ITGB5: variants seen among roughly 807,000 people sequenced by gnomAD.
ITGB5 encodes integrin subunit beta 5.
Under a neutral mutation model 84.8 loss-of-function variants are expected in ITGB5, and 38 were observed. The observed-to-expected ratio is 0.45, with a 90% CI of 0.35 to 0.59. The LOEUF (loss-of-function observed/expected upper bound fraction) is 0.59. Ranked by LOEUF, ITGB5 falls within the 20% of genes least tolerant of loss-of-function variation. ITGB5 has a pLI of 0.01. For synonymous variants in ITGB5, 393 were observed against 414.4 expected (o/e 0.95, Z 0.63); for missense variants, 905 against 1,034.5 (o/e 0.87, Z 1.72).
chr3:124,832,449 A>C (rs528314012), intron 5 of ITGB5, among the ~76,000 whole-genome samples: 1 of 152,342 alleles, frequency 6.6e-6, no homozygotes, highest in East Asian at 1.9e-4. Context: ...TGTGAAAGAA[A>C]CCCTGTTAAA....
chr3:124,800,351 T>C (rs2064297560), intron 9 of ITGB5, among the ~76,000 whole-genome samples: 1 of 152,148 alleles, frequency 6.6e-6, no homozygotes, highest in African/African-American at 2.4e-5. Flanking sequence ...TTGCCTGCCT[T>C]GGGGTTAAAG....
chr3:124,810,167 G>A (rs1331208727), intron 8 of ITGB5, among the ~76,000 whole-genome samples: 4 of 152,150 alleles, frequency 2.6e-5, no homozygotes, highest in Non-Finnish European at 5.9e-5. Flanking sequence ...ATACAGTAAT[G>A]AGAAATAATA....
At chr3:124,898,773 TAAAA>T (rs36079714) in intron 1 of ITGB5, among the ~76,000 whole-genome samples, 13 of 109,704 alleles carry the variant, frequency 1.2e-4, no homozygotes, top group Non-Finnish European at 1.8e-4. Context: ...CCCCATGTCT[TAAAA>T]AAAAAAAAAA....
At position 124,798,328 on chromosome 3, in the gene ITGB5, G is replaced by A. The variant is rs1031086025; in HGVS notation, c.1264-1511C>T. ...GGCCTCCCAAAGTGCTGGGATTACA[G>A]GTGTGAGCTACTGCGCCCAGTCATT... On this transcript the variant is annotated intron_variant, in intron 9 of 14. Transcript: ENST00000296181. Among the ~76,000 whole-genome samples, 5 of 152,070 alleles carry A rather than the reference G, an allele frequency of 3.3e-5. No homozygotes were observed. The South Asian group carries it at 8.3e-4, about 25-fold the overall frequency.
intron 10 of ITGB5, among the ~76,000 whole-genome samples, chr3:124,787,909 C>CTTTTTT (rs35730935): frequency 8.0e-5 from 11 of 137,698 alleles, no homozygotes; most frequent in Admixed American, 1.5e-4. Context: ...ACAGATAGCT[C>CTTTTTT]TTTTTTTTTT....
In ITGB5 at chr3:124,882,411, G is replaced by A. The variant is rs112606808; in HGVS notation, c.70+4520C>T. 2.8e-3 allele frequency among the ~76,000 whole-genome samples: 425 copies of A among 152,330 alleles called. 1 individual carries two copies. The highest frequency in any genetic ancestry group is 9.5e-3 in the African/African-American group (395 of 41,574). On this transcript the variant is annotated intron_variant, in intron 1 of 14. Coordinates refer to ENST00000296181, the MANE Select transcript of ITGB5 (RefSeq NM_002213.5). ...GGGAGCGGCCAGGGAAAACTTGGCT[G>A]AGCAGGAGATGCTAGAAAAAGGGTT...
intron 14 of ITGB5, among the ~76,000 whole-genome samples, chr3:124,764,155 C>T (rs546233365): frequency 5.3e-5 from 8 of 152,292 alleles, no homozygotes; most frequent in Non-Finnish European, 8.8e-5. Context: ...GCACGCCCAG[C>T]GCCTCTGCCC....
At chr3:124,875,109 G>A (rs1934243743) in intron 1 of ITGB5, among the ~76,000 whole-genome samples, 1 of 152,164 alleles carries the variant, frequency 6.6e-6, no homozygotes, top group Non-Finnish European at 1.5e-5. Context: ...CCACACATCT[G>A]ATAAGTGGTT....
At chr3:124,878,257 C>G (rs531319379) in intron 1 of ITGB5, among the ~76,000 whole-genome samples, 1 of 152,322 alleles carries the variant, frequency 6.6e-6, no homozygotes, top group Non-Finnish European at 1.5e-5. Flanking sequence ...AAGAGCTCCT[C>G]AATTCTGATG....
intron 9 of ITGB5, among the ~76,000 whole-genome samples, chr3:124,797,736 C>A (rs996223937): frequency 1.3e-5 from 2 of 152,242 alleles, no homozygotes; most frequent in African/African-American, 2.4e-5. Context: ...TCCTCACCCC[C>A]CTGAGGAGAG....
intron 9 of ITGB5, among the ~76,000 whole-genome samples, chr3:124,805,055 C>G (rs1245599892): frequency 7.4e-6 from 1 of 135,152 alleles, no homozygotes; most frequent in South Asian, 2.7e-4. Context: ...TGCCCTCCCT[C>G]CCTGCCCTGC....
chr3:124,893,220 C>T (rs933126529), intron 1 of ITGB5, among the ~76,000 whole-genome samples: 1 of 152,082 alleles, frequency 6.6e-6, no homozygotes, highest in Non-Finnish European at 1.5e-5. Context: ...CCCGCCTGGC[C>T]AACATGGTGA....
At chr3:124,839,616 A>T (rs948389159) in intron 5 of ITGB5, among the ~76,000 whole-genome samples, 5 of 152,230 alleles carry the variant, frequency 3.3e-5, no homozygotes, top group African/African-American at 1.2e-4. Flanking sequence ...TCTTCTCTGC[A>T]CTATTTTTTT....
intron 1 of ITGB5, among the ~76,000 whole-genome samples, chr3:124,899,280 T>C (rs1295074188): frequency 6.6e-6 from 1 of 152,110 alleles, no homozygotes; most frequent in African/African-American, 2.4e-5. Flanking sequence ...ATTCAATAAA[T>C]TTTGTTGAGG....
At chr3:124,770,713 T>C (rs2063829910) in intron 11 of ITGB5, among the ~76,000 whole-genome samples, 3 of 152,194 alleles carry the variant, frequency 2.0e-5, no homozygotes, top group Non-Finnish European at 2.9e-5. Flanking sequence ...CAACCATCCC[T>C]GAAATGGCTA....
chr3:124,836,213 TA>T lies in ITGB5; in HGVS notation c.780+5169del, dbSNP rs5852430. ...CCTTCCTAGGTTTGGAATGTATTATTAAAAAAAAAAAAATTCAACAGGCTGT... is the reference window on the plus strand; with the variant it reads ...CCTTCCTAGGTTTGGAATGTATTATTAAAAAAAAAAAATTCAACAGGCTGT... On this transcript the variant is annotated intron_variant, in intron 5 of 14. Coordinates refer to ENST00000296181, the MANE Select transcript of ITGB5 (RefSeq NM_002213.5). Among the ~76,000 whole-genome samples the T allele has an allele frequency of 6.0e-4, 89 of 147,858 alleles. 1 individual carries two copies. In the South Asian group the frequency reaches 0.013, roughly 22 times the overall value.
intron 10 of ITGB5, among the ~76,000 whole-genome samples, chr3:124,788,464 C>T (rs2064113819): frequency 6.6e-6 from 1 of 152,164 alleles, no homozygotes; most frequent in African/African-American, 2.4e-5. Flanking sequence ...CATGCATTGT[C>T]CTTAGCCACC....
chr3:124,890,877 C>CT (rs547795387), upstream of ITGB5, among the ~76,000 whole-genome samples: 229 of 152,066 alleles, frequency 1.5e-3, no homozygotes, highest in Non-Finnish European at 2.7e-3. Flanking sequence ...CTTCTTCTTC[C>CT]TTTTTTTTAT....
At chr3:124,780,516 C>G (rs1327742732) in intron 10 of ITGB5, among the ~76,000 whole-genome samples, 1 of 152,242 alleles carries the variant, frequency 6.6e-6, no homozygotes, top group East Asian at 1.9e-4. Flanking sequence ...CTCAGCACAG[C>G]TCCATCCCCT....
Sources: gnomAD v4.1 joint callset for allele counts (sites outside exome capture counted in the v4.1 genomes callset) on GRCh38, gnomAD v4.1.1 for gene constraint, MANE v1.5 for transcripts, NCBI Gene and HGNC (gene_info 2026-07-23, HGNC 2026-07-21) for gene names.